The following ALK variants were observed in gnomAD, a reference collection of about 807,000 sequenced individuals.
The protein encoded by ALK is ALK receptor tyrosine kinase.
Under a neutral mutation model 163.1 loss-of-function variants are expected in ALK, and 74 were observed. The ratio of observed to expected loss-of-function variants is 0.45; its 90% CI spans 0.38 to 0.55. The LOEUF is 0.55. ALK is among the 20% of genes least tolerant of loss of function. ALK has a pLI of 0.00. For synonymous variants in ALK, 960 were observed against 843.2 expected (o/e 1.14, Z -2.40); for missense variants, 2,063 against 2,105.3 (o/e 0.98, Z 0.39).
chr2:29,666,092 A>C (rs966174245), intron 3 of ALK, among the ~76,000 whole-genome samples: 2 of 152,118 alleles, frequency 1.3e-5, no homozygotes, highest in Non-Finnish European at 2.9e-5. Flanking sequence ...TTCATGAGAC[A>C]CTATAAAATC....
At chr2:29,314,368 A>G (rs1432656976) in intron 8 of ALK, among the ~76,000 whole-genome samples, 2 of 152,110 alleles carry the variant, frequency 1.3e-5, no homozygotes, top group Non-Finnish European at 2.9e-5. Flanking sequence ...TGCCTAGATC[A>G]CAGCAGCTCC....
intron 3 of ALK, among the ~76,000 whole-genome samples, chr2:29,666,774 T>G (rs903610504): frequency 8.5e-5 from 13 of 152,094 alleles, no homozygotes; most frequent in Non-Finnish European, 1.5e-4. Context: ...AAGTATACAG[T>G]TAAGTGGTAA....
Position 29,564,703 on chromosome 2 carries a change from G to A in ALK, c.953-32587C>T, listed in dbSNP as rs370681870. Among the ~76,000 whole-genome samples, 13 of 152,310 alleles carry A rather than the reference G, an allele frequency of 8.5e-5. No homozygotes were observed. In the South Asian group the frequency reaches 1.0e-3, roughly 12 times the overall value. On this transcript the variant is annotated intron_variant, in intron 3 of 28. Transcript: ENST00000389048. The stretch of plus-strand genomic sequence containing the variant: ...AGAGAAACCACTGAGGTCATTATGC[G>A]TGAGGAATTGCAGGCCTCAGGAAGG...
At chr2:29,607,926 T>C (rs1675583336) in intron 3 of ALK, among the ~76,000 whole-genome samples, 1 of 152,138 alleles carries the variant, frequency 6.6e-6, no homozygotes. Flanking sequence ...ATAAAAATAA[T>C]TACAGCAATT....
In ALK at chr2:29,226,069, G is replaced by A. The variant is rs113351259; in HGVS notation, c.3068-504C>T. 5.0e-3 allele frequency among the ~76,000 whole-genome samples: 761 copies of A among 152,202 alleles called. 3 individuals are homozygous for A. Among genetic ancestry groups the A allele is most frequent in the Middle Eastern group, 6.8e-3 (2 of 294 alleles). On this transcript the variant is annotated intron_variant, in intron 18 of 28. Transcript: ENST00000389048. ...GACACTACATTTCAAAAGGGACATC[G>A]ATAGTGGAACACATGCAGAAGAGGG...
intron 1 of ALK, among the ~76,000 whole-genome samples, chr2:29,847,114 G>A (rs1198776176): frequency 6.6e-6 from 1 of 152,058 alleles, no homozygotes; most frequent in Non-Finnish European, 1.5e-5. Flanking sequence ...GGTTGGATGT[G>A]GTTTAGGGAT....
chr2:29,706,401 T>A (rs1352299012), intron 2 of ALK, among the ~76,000 whole-genome samples: 1 of 152,218 alleles, frequency 6.6e-6, no homozygotes, highest in Non-Finnish European at 1.5e-5. Flanking sequence ...TTCATAACAC[T>A]AAGTATCCAA....
At chr2:29,241,179 T>C (rs758649227) in intron 12 of ALK, among the ~76,000 whole-genome samples, 1 of 152,042 alleles carries the variant, frequency 6.6e-6, no homozygotes, top group Non-Finnish European at 1.5e-5. Context: ...CTGAGATAGC[T>C]CCAGGCTCTT....
chr2:29,318,629 C>G (rs553068710), intron 7 of ALK, among the ~76,000 whole-genome samples: 1 of 151,300 alleles, frequency 6.6e-6, no homozygotes, highest in African/African-American at 2.4e-5. Flanking sequence ...TGCAGTGGCG[C>G]GATCTTGGCT....
intron 1 of ALK, among the ~76,000 whole-genome samples, chr2:29,775,753 T>A (rs1681158786): frequency 6.6e-6 from 1 of 152,166 alleles, no homozygotes; most frequent in Non-Finnish European, 1.5e-5. Context: ...CATAGCCTAT[T>A]GTGAGGATTA....
At chr2:29,305,053 G>A (rs1666465957) in intron 8 of ALK, among the ~76,000 whole-genome samples, 1 of 152,212 alleles carries the variant, frequency 6.6e-6, no homozygotes, top group Non-Finnish European at 1.5e-5. Context: ...AGTGCAGCCT[G>A]GGTAGAGACC....
intron 26 of ALK, among the ~76,000 whole-genome samples, chr2:29,205,670 C>T (rs952679787): frequency 6.6e-6 from 1 of 152,150 alleles, no homozygotes; most frequent in African/African-American, 2.4e-5. Flanking sequence ...CACACTCCCT[C>T]TTCTTTTGTG....
At chr2:29,205,651 C>A (rs1669291619) in intron 26 of ALK, among the ~76,000 whole-genome samples, 1 of 152,162 alleles carries the variant, frequency 6.6e-6, no homozygotes, top group Admixed American at 6.5e-5. Flanking sequence ...CAGTCTCAGC[C>A]TCTGTGCTCA....
chr2:29,453,746 C>T (rs183473381), intron 4 of ALK, among the ~76,000 whole-genome samples: 7 of 151,996 alleles, frequency 4.6e-5, no homozygotes, highest in South Asian at 2.1e-4. Context: ...GAAGGGAAGA[C>T]GATATGGAGC....
chr2:29,618,834 CT>C (rs1675935989), intron 3 of ALK, among the ~76,000 whole-genome samples: 1 of 152,062 alleles, frequency 6.6e-6, no homozygotes, highest in Non-Finnish European at 1.5e-5. Context: ...CAAAAATTAG[CT>C]GGGGGTGGTG....
chr2:29,760,938 C>T (rs1244051615), intron 1 of ALK, among the ~76,000 whole-genome samples: 3 of 152,192 alleles, frequency 2.0e-5, no homozygotes, highest in South Asian at 2.1e-4. Flanking sequence ...TCCCCTACCC[C>T]TGCCCCTTCT....
rs202080585 is a variant in ALK, at chr2:29,383,705, G to C, written c.1282+27C>G. ...ACATCTAACACAATAGGCTACCAAG[G>C]AGCGTGGGAAAGCCAGATTCAGATA... On this transcript the variant is annotated intron_variant, in intron 5 of 28. Transcript: ENST00000389048. 23 of 1,613,934 alleles carry C rather than the reference G, an allele frequency of 1.4e-5. No homozygotes were observed. In the Admixed American group the frequency reaches 2.8e-4, roughly 20 times the overall value.
At chr2:29,361,433 G>A (rs147877118) in intron 5 of ALK, among the ~76,000 whole-genome samples, 252 of 152,318 alleles carry the variant, frequency 1.7e-3, no homozygotes, top group South Asian at 3.3e-3. Flanking sequence ...TTTCTCAGCA[G>A]GAAGAATGAC....
chr2:29,605,806 C>T (rs974569318), intron 3 of ALK, among the ~76,000 whole-genome samples: 4 of 152,190 alleles, frequency 2.6e-5, no homozygotes, highest in Non-Finnish European at 5.9e-5. Flanking sequence ...CTTACTGGCA[C>T]ATCTGAATTG....
Sources: gnomAD v4.1 joint callset for allele counts (sites outside exome capture counted in the v4.1 genomes callset) on GRCh38, gnomAD v4.1.1 for gene constraint, MANE v1.5 for transcripts, NCBI Gene and HGNC (gene_info 2026-07-23, HGNC 2026-07-21) for gene names.